TRPM6: variants seen among roughly 807,000 people sequenced by gnomAD.
The protein encoded by TRPM6 is transient receptor potential cation channel subfamily M member 6, also known as channel kinase 2.
Under a neutral mutation model 247.6 loss-of-function variants are expected in TRPM6, and 111 were observed. That is an observed-to-expected ratio of 0.45 (90% CI 0.38 to 0.52). The LOEUF (loss-of-function observed/expected upper bound fraction) is 0.52. Among genes scored for constraint, TRPM6 ranks in the 20% least tolerant of loss-of-function variants. The probability of loss-of-function intolerance (pLI) is 0.00; values close to 1 mark genes in which losing one functional copy is unlikely to be tolerated. For missense variants in TRPM6, 2,126 were observed against 2,421.5 expected (o/e 0.88, Z 2.56); for synonymous variants, 892 against 853.8 (o/e 1.04, Z -0.78).
chr9:74,866,151 A>G (rs1834108693), intron 1 of TRPM6, among the ~76,000 whole-genome samples: 2 of 152,220 alleles, frequency 1.3e-5, no homozygotes, highest in Non-Finnish European at 2.9e-5. Flanking sequence ...AATAATATAA[A>G]AAATAGAAAC....
chr9:74,858,786 G>T, intron 1 of TRPM6, 38 bp from the exon 2 acceptor site: 1 of 1,495,012 alleles, frequency 6.7e-7, no homozygotes, highest in Non-Finnish European at 9.3e-7. Context: ...CTCTAATTAT[G>T]TGACAAAACA....
chr9:74,745,971 G>A lies in TRPM6; in HGVS notation c.5084-1826C>T, dbSNP rs188603852. ...TAAAAATGGTATTATGGCCAGGCGCGGGGGCCCACGCCTGTAATCCCAAAA... is the reference window on the plus strand; with the variant it reads ...TAAAAATGGTATTATGGCCAGGCGCAGGGGCCCACGCCTGTAATCCCAAAA... On this transcript the variant is annotated intron_variant, in intron 31 of 38. Coordinates refer to ENST00000360774, the MANE Select transcript of TRPM6 (RefSeq NM_017662.5). 6.2e-3 allele frequency among the ~76,000 whole-genome samples: 941 copies of A among 152,266 alleles called. 7 individuals are homozygous for A. The highest frequency in any genetic ancestry group is 8.4e-3 in the Non-Finnish European group (574 of 68,016).
At chr9:74,728,557 T>C (rs995765204) in intron 37 of TRPM6, among the ~76,000 whole-genome samples, 1 of 152,212 alleles carries the variant, frequency 6.6e-6, no homozygotes, top group Admixed American at 6.5e-5. Flanking sequence ...CAAGACCTAC[T>C]GTGAAACGCA....
chr9:74,874,642 T>C (rs890147716), intron 1 of TRPM6, among the ~76,000 whole-genome samples: 5 of 152,188 alleles, frequency 3.3e-5, no homozygotes, highest in Non-Finnish European at 7.3e-5. Flanking sequence ...GAAAGAGACT[T>C]TGAAATGACC....
intron 1 of TRPM6, among the ~76,000 whole-genome samples, chr9:74,873,375 G>A (rs1269876880): frequency 6.6e-6 from 1 of 152,170 alleles, no homozygotes; most frequent in Admixed American, 6.5e-5. Context: ...TCCAAAGACA[G>A]GGAACTGTCT....
intron 25 of TRPM6, among the ~76,000 whole-genome samples, chr9:74,770,418 T>C (rs914456356): frequency 6.6e-6 from 1 of 152,232 alleles, no homozygotes; most frequent in Admixed American, 6.5e-5. Context: ...ATGCATTTCA[T>C]CACATATAGC....
chr9:74,853,249 G>C (rs1384552966), intron 3 of TRPM6, among the ~76,000 whole-genome samples: 1 of 148,718 alleles, frequency 6.7e-6, no homozygotes, highest in African/African-American at 2.5e-5. Flanking sequence ...GAGCCCCTCC[G>C]CCCGGCAGCC....
At chr9:74,819,767 AC>A (rs960746596) in intron 9 of TRPM6, among the ~76,000 whole-genome samples, 36 of 152,254 alleles carry the variant, frequency 2.4e-4, no homozygotes, top group African/African-American at 8.2e-4. Flanking sequence ...CTGTTCCTTT[AC>A]CCTCTGAAAA....
At chr9:74,820,265 G>T (rs1336289177) in intron 9 of TRPM6, 39 bp downstream of exon 9, 26 of 1,605,144 alleles carry the variant, frequency 1.6e-5, no homozygotes, top group Non-Finnish European at 2.2e-5. Flanking sequence ...TAAATTAGCA[G>T]TTCTTAAGTC....
intron 25 of TRPM6, among the ~76,000 whole-genome samples, chr9:74,769,019 C>T (rs12003818): frequency 0.1 from 15,593 of 152,148 alleles, 905 homozygotes; most frequent in South Asian, 0.22. Flanking sequence ...TTTTGAGGGG[C>T]CCATTTTTAC....
intron 27 of TRPM6, among the ~76,000 whole-genome samples, chr9:74,758,074 A>C (rs1039482299): frequency 1.3e-5 from 2 of 152,190 alleles, no homozygotes; most frequent in Non-Finnish European, 2.9e-5. Context: ...TCTTTGACAT[A>C]CACAAAAAAA....
Position 74,762,784 on chromosome 9 carries a change from T to C in TRPM6, c.3887A>G (p.Gln1296Arg). ...LAGGRHPPRVQRGALLEITNS... is the reference protein window; with the variant it reads ...LAGGRHPPRVRRGALLEITNS... ...TGTAATCTCAAGAAGTGCCCCCCTC[T>C]GCACTCTTGGGGGATGCCGGCCTCC... The change falls in exon 26 of 39, where the codon CAG (glutamine) becomes CGG (arginine). Residue 1296 changes from glutamine (Q) to arginine (R), a missense_variant. Physicochemically the swap from Gln to Arg is conservative, Grantham distance 43. This residue lies in a region of TRPM6 where 717 missense variants were observed against 715.9 expected (regional missense o/e 1.00). Transcript: ENST00000360774. 1 of 1,614,164 alleles carries C rather than the reference T, an allele frequency of 6.2e-7. No homozygotes were observed. The highest frequency in any genetic ancestry group is 8.5e-7 in the Non-Finnish European group (1 of 1,180,024).
At chr9:74,845,907 A>C (rs536573477) in intron 3 of TRPM6, among the ~76,000 whole-genome samples, 2 of 152,188 alleles carry the variant, frequency 1.3e-5, no homozygotes, top group Non-Finnish European at 2.9e-5. Context: ...AAAAATACAA[A>C]TGTAGAGGGA....
chr9:74,817,121 G>A (rs1410855828), intron 9 of TRPM6, among the ~76,000 whole-genome samples, 157 bp from the exon 10 acceptor site: 1 of 152,098 alleles, frequency 6.6e-6, no homozygotes, highest in African/African-American at 2.4e-5. Context: ...CTTTTAAATA[G>A]GGTAACAAAG....
At position 74,792,766 on chromosome 9, in the gene TRPM6, T is replaced by G; in HGVS notation, c.2396A>C (p.Glu799Ala). 2 of 1,613,604 alleles carry G rather than the reference T, an allele frequency of 1.2e-6. No individual in the cohort carries two copies. Among genetic ancestry groups the G allele is most frequent in the Non-Finnish European group, 1.7e-6 (2 of 1,179,512 alleles). The change falls in exon 19 of 39, where the codon GAG (glutamate) becomes GCG (alanine). Residue 799 changes from glutamate (E) to alanine (A), a missense_variant. Physicochemically the swap from Glu to Ala is moderately radical, Grantham distance 107. This residue lies in a region of TRPM6 where 1,082 missense variants were observed against 1,307.9 expected (regional missense o/e 0.83). Transcript: ENST00000360774. ...ATCATGGCCCCTTTCCAAATCATACTCTTTCTATAAAATAAACAAATAATC... is the reference window on the plus strand; with the variant it reads ...ATCATGGCCCCTTTCCAAATCATACGCTTTCTATAAAATAAACAAATAATC... ...SSSKESASVK[E>A]YDLERGHDEK...
rs890302489 is a variant in TRPM6, at chr9:74,733,299, T to A, written c.5777-563A>T. 2.6e-5 allele frequency among the ~76,000 whole-genome samples: 4 copies of A among 152,160 alleles called. No homozygotes were observed. In the East Asian group the frequency reaches 7.7e-4, roughly 29 times the overall value. On this transcript the variant is annotated intron_variant, in intron 36 of 38. Coordinates refer to ENST00000360774, the MANE Select transcript of TRPM6 (RefSeq NM_017662.5). Reference sequence around the variant, plus strand: ...AATATAAAAAATTAAATATTTTAATTCTCAAAAATTCATGTAAATTAAATG... The same window carrying A: ...AATATAAAAAATTAAATATTTTAATACTCAAAAATTCATGTAAATTAAATG...
chr9:74,759,413 T>C (rs1826547376), intron 27 of TRPM6, among the ~76,000 whole-genome samples: 1 of 152,126 alleles, frequency 6.6e-6, no homozygotes, highest in Admixed American at 6.6e-5. Flanking sequence ...GATCCATACA[T>C]ATTGTGATCT....
chr9:74,769,914 C>G (rs1191612766), intron 25 of TRPM6, among the ~76,000 whole-genome samples: 1 of 152,086 alleles, frequency 6.6e-6, no homozygotes, highest in Admixed American at 6.6e-5. Flanking sequence ...CGAGTCTATG[C>G]TTCATACAAA....
chr9:74,887,904 T>C lies in TRPM6; in HGVS notation c.-48A>G, dbSNP rs1419368898. The C allele has an allele frequency of 2.5e-6, 4 of 1,612,540 alleles. No homozygotes were observed. The highest frequency in any genetic ancestry group is 3.4e-6 in the Non-Finnish European group (4 of 1,178,856). ...CCAAAGCCCTGTCTGAGCTTTTAAC[T>C]GTGGAGGCAGAAACTCTGGGCTCCA... On this transcript the variant is annotated 5_prime_UTR_variant, in exon 1 of 39. Transcript: ENST00000360774.
Sources: gnomAD v4.1 joint callset for allele counts (sites outside exome capture counted in the v4.1 genomes callset) on GRCh38, gnomAD v4.1.1 for gene constraint, gnomAD v4.1.1 regional missense constraint, MANE v1.5 for transcripts, NCBI Gene and HGNC (gene_info 2026-07-23, HGNC 2026-07-21) for gene names.